The following MID1 variants were observed in gnomAD, a reference collection of about 807,000 sequenced individuals.
MID1 encodes the protein E3 ubiquitin-protein ligase Midline-1.
In MID1, 7 loss-of-function variants were observed where a neutral mutation model predicts 40.4. The observed-to-expected ratio is 0.17, with a 90% confidence interval of 0.10 to 0.33. MID1 has a LOEUF of 0.33. MID1 is among the 10% of genes least tolerant of loss of function. The pLI is 1.00. For missense variants in MID1, 367 were observed against 558.5 expected (o/e 0.66, Z 3.46); for synonymous variants, 229 against 221.2 (o/e 1.04, Z -0.31).
At chrX:10,739,700 T>C (rs1354921950) in intron 1 of MID1, among the ~76,000 whole-genome samples, 1 of 112,019 alleles carries the variant, frequency 8.9e-6, no homozygotes, top group Admixed American at 9.5e-5. Context: ...AATGTATCAA[T>C]GGAAGAGTGA....
chrX:10,680,755 C>G (rs1197143597), intron 1 of MID1, among the ~76,000 whole-genome samples: 1 of 110,935 alleles, frequency 9.0e-6, no homozygotes, highest in Non-Finnish European at 1.9e-5. Flanking sequence ...AATAAGGTGG[C>G]TGGGCACGGT....
intron 2 of MID1, among the ~76,000 whole-genome samples, chrX:10,533,322 A>AGAAAG (rs1223821693): frequency 1.2e-5 from 1 of 82,003 alleles, no homozygotes; most frequent in African/African-American, 4.7e-5. Flanking sequence ...AAAGAAAGAA[A>AGAAAG]GAAAGGAAAG....
At chrX:10,532,771 G>GTT (rs55826454) in intron 2 of MID1, among the ~76,000 whole-genome samples, 64 of 101,738 alleles carry the variant, frequency 6.3e-4, no homozygotes, top group African/African-American at 2.2e-3. Flanking sequence ...GCTAAGAATG[G>GTT]TTTTTTTTTT....
At chrX:10,704,739 T>TATATATAC (rs1233692170) in intron 1 of MID1, among the ~76,000 whole-genome samples, 17 of 82,180 alleles carry the variant, frequency 2.1e-4, no homozygotes, top group Non-Finnish European at 2.9e-4. Flanking sequence ...TATATATATA[T>TATATATAC]ACACACACAC....
At chrX:10,705,191 A>G (rs942275566) in intron 1 of MID1, among the ~76,000 whole-genome samples, 92 of 112,854 alleles carry the variant, frequency 8.2e-4, no homozygotes, top group African/African-American at 2.8e-3. Context: ...AATTTGCTAA[A>G]CCTTGTTAAA....
At chrX:10,785,550 T>C (rs1292497371) in intron 1 of MID1, among the ~76,000 whole-genome samples, 1 of 111,507 alleles carries the variant, frequency 9.0e-6, no homozygotes, top group Admixed American at 9.5e-5. Flanking sequence ...GGCATCACGC[T>C]ACCTGACTTC....
chrX:10,705,100 G>C (rs188244688), intron 1 of MID1, among the ~76,000 whole-genome samples: 43 of 111,174 alleles, frequency 3.9e-4, no homozygotes, highest in African/African-American at 1.4e-3. Flanking sequence ...GACACATAAA[G>C]AAAAAAGAAG....
At chrX:10,583,803 C>T (rs1489561089) in intron 1 of MID1, among the ~76,000 whole-genome samples, 3 of 110,920 alleles carry the variant, frequency 2.7e-5, no homozygotes, top group Admixed American at 9.6e-5. Flanking sequence ...GAGGCTGAGG[C>T]GGGTGGATCA....
chrX:10,502,098 A>T (rs1931574993), intron 3 of MID1, among the ~76,000 whole-genome samples: 2 of 112,296 alleles, frequency 1.8e-5, no homozygotes, highest in African/African-American at 6.5e-5. Flanking sequence ...GCAAAATGAG[A>T]TGTTCAGTGC....
At chrX:10,514,553 A>G (rs1932309451) in intron 3 of MID1, among the ~76,000 whole-genome samples, 1 of 112,367 alleles carries the variant, frequency 8.9e-6, no homozygotes, top group East Asian at 2.8e-4. Context: ...AAGAAAAACT[A>G]CATTTGCTTC....
intron 1 of MID1, among the ~76,000 whole-genome samples, chrX:10,660,016 T>G (rs2042900085): frequency 8.9e-6 from 1 of 112,417 alleles, no homozygotes; most frequent in African/African-American, 3.2e-5. Context: ...AACAGTTTTC[T>G]GAGAATGTTC....
intron 1 of MID1, among the ~76,000 whole-genome samples, chrX:10,726,908 T>TTTCTGCCTGTGGCGTATGACAAAG (rs2043395777): frequency 1.8e-5 from 2 of 112,434 alleles, no homozygotes; most frequent in African/African-American, 6.5e-5. Context: ...GCATTCCTCT[T>TTTCTGCCTGTGGCGTATGACAAAG]TTCTGCCTGT....
intron 1 of MID1, among the ~76,000 whole-genome samples, chrX:10,658,592 C>T (rs933653258): frequency 2.7e-5 from 3 of 109,727 alleles, no homozygotes; most frequent in South Asian, 8.1e-4. Flanking sequence ...CTCAGGAGGA[C>T]GTGTTTTACT....
At chrX:10,475,120 C>T (rs979578389) in intron 5 of MID1, 10 of 335,412 alleles carry the variant, frequency 3.0e-5, no homozygotes, top group Non-Finnish European at 5.8e-5. Flanking sequence ...CTTCACACAT[C>T]TGTCTGGGAA....
chrX:10,735,891 C>T (rs1478811159), intron 1 of MID1, among the ~76,000 whole-genome samples: 1 of 111,161 alleles, frequency 9.0e-6, no homozygotes, highest in African/African-American at 3.3e-5. Flanking sequence ...CTCGGTCTCC[C>T]AAAGTGCTGG....
chrX:10,473,706 C>T (rs940567770), intron 6 of MID1, among the ~76,000 whole-genome samples: 2 of 112,421 alleles, frequency 1.8e-5, no homozygotes, highest in African/African-American at 6.5e-5. Context: ...TTAAGTGCAG[C>T]GCACATCTGG....
chrX:10,788,968 C>CAAAACAAAAACA (rs1159577345), intron 1 of MID1, among the ~76,000 whole-genome samples: 67 of 110,984 alleles, frequency 6.0e-4, no homozygotes, highest in African/African-American at 2.2e-3. Context: ...TTGTCTCTAC[C>CAAAACAAAAACA]AAAACAAAAA....
intron 1 of MID1, among the ~76,000 whole-genome samples, chrX:10,826,413 T>C (rs2044217195): frequency 8.9e-6 from 1 of 112,312 alleles, no homozygotes; most frequent in Admixed American, 9.5e-5. Flanking sequence ...ACTATTTTGA[T>C]GCAAAAGTAA....
chrX:10,766,370 G>C, intron 1 of MID1, among the ~76,000 whole-genome samples: 1 of 111,184 alleles, frequency 9.0e-6, no homozygotes, highest in Non-Finnish European at 1.9e-5. Context: ...TGGGGGTGGT[G>C]GTCTATGGTG....
Sources: gnomAD v4.1 joint callset for allele counts (sites outside exome capture counted in the v4.1 genomes callset) on GRCh38, gnomAD v4.1.1 for gene constraint, MANE v1.5 for transcripts, NCBI Gene and HGNC (gene_info 2026-07-23, HGNC 2026-07-21) for gene names.